The following CSMD1 variants were observed in gnomAD, a reference collection of about 807,000 sequenced individuals.
CSMD1 encodes the protein CUB and sushi domain-containing protein 1.
Under a neutral mutation model 417.5 loss-of-function variants are expected in CSMD1, and 213 were observed. The observed-to-expected ratio is 0.51, with a 90% CI of 0.46 to 0.57. CSMD1 has a LOEUF of 0.57. CSMD1 is among the 20% of genes least tolerant of loss of function. The pLI is 0.00. For synonymous variants in CSMD1, 2,862 were observed against 1,736.8 expected (o/e 1.65, Z -16.11); for missense variants, 6,923 against 4,529.7 (o/e 1.53, Z -15.17).
Position 4,286,304 on chromosome 8 carries a change from G to A in CSMD1, c.415+133649C>T, listed in dbSNP as rs144012641. Among the ~76,000 whole-genome samples, 194 of 152,156 alleles carry A rather than the reference G, an allele frequency of 1.3e-3. 1 individual carries two copies. The highest frequency in any genetic ancestry group is 2.2e-3 in the Non-Finnish European group (150 of 68,012). On this transcript the variant is annotated intron_variant, in intron 3 of 69. Transcript: ENST00000635120. ...TTAGTGCTATCTGTCCTCAGGGGCC[G>A]TTGTTCTTGTCACTTTGGAACATTC...
intron 3 of CSMD1, among the ~76,000 whole-genome samples, chr8:4,098,371 T>C (rs994729309): frequency 1.3e-5 from 2 of 151,638 alleles, no homozygotes; most frequent in African/African-American, 2.4e-5. Context: ...CTATTTTTTT[T>C]CTACAAAATT....
chr8:4,403,359 G>C (rs768433410), intron 3 of CSMD1, among the ~76,000 whole-genome samples: 24 of 152,046 alleles, frequency 1.6e-4, no homozygotes, highest in Non-Finnish European at 2.6e-4. Context: ...TTATAAGGAA[G>C]TCTCTACTTG....
chr8:3,113,512 G>A (rs752389805), intron 42 of CSMD1: 4 of 152,194 alleles, frequency 2.6e-5, no homozygotes, highest in Non-Finnish European at 4.4e-5. Context: ...GCTAGCAGTC[G>A]CTGTGTTGAA....
intron 5 of CSMD1, among the ~76,000 whole-genome samples, chr8:3,880,847 T>A (rs1806160905): frequency 6.6e-6 from 1 of 152,160 alleles, no homozygotes; most frequent in Admixed American, 6.5e-5. Flanking sequence ...ACCTGCGCAT[T>A]TATATTTTTT....
In CSMD1 at chr8:4,754,665, C is replaced by T. The variant is rs375413191; in HGVS notation, c.86-117107G>A. Among the ~76,000 whole-genome samples the T allele has an allele frequency of 4.4e-3, 671 of 151,858 alleles. 3 individuals carry two copies. Among genetic ancestry groups the T allele is most frequent in the African/African-American group, 0.016 (644 of 41,400 alleles). On this transcript the variant is annotated intron_variant, in intron 1 of 69. Coordinates refer to ENST00000635120, the MANE Select transcript of CSMD1 (RefSeq NM_033225.6). ...AGGAGATCGAGACAATCCTGGCTAA[C>T]ATGGTGAAACCCTGTCTACTAAAAA...
intron 37 of CSMD1, among the ~76,000 whole-genome samples, chr8:3,174,927 G>C (rs1345280857): frequency 1.3e-5 from 2 of 151,952 alleles, no homozygotes; most frequent in Non-Finnish European, 2.9e-5. Context: ...TATTTTTTGA[G>C]TGAGATCTTA....
intron 10 of CSMD1, among the ~76,000 whole-genome samples, chr8:3,526,083 G>A (rs530556109): frequency 3.3e-5 from 5 of 152,202 alleles, no homozygotes; most frequent in East Asian, 1.9e-4. Context: ...CCATCAACAT[G>A]CTGAATTGTC....
At chr8:3,214,128 G>C (rs71521812) in intron 30 of CSMD1, among the ~76,000 whole-genome samples, 1 of 152,058 alleles carries the variant, frequency 6.6e-6, no homozygotes, top group African/African-American at 2.4e-5. Flanking sequence ...ACAGGCATGA[G>C]CTACCACGCC....
chr8:3,370,408 C>T (rs1809872590), intron 18 of CSMD1, among the ~76,000 whole-genome samples: 1 of 152,210 alleles, frequency 6.6e-6, no homozygotes. Context: ...TGGAACCTCT[C>T]CACCTGCAGT....
chr8:3,919,289 C>T (rs997358282), intron 5 of CSMD1, among the ~76,000 whole-genome samples: 1 of 150,994 alleles, frequency 6.6e-6, no homozygotes, highest in Non-Finnish European at 1.5e-5. Flanking sequence ...GTTTGGGTAT[C>T]GCACTGAAGT....
chr8:4,727,314 T>G (rs1250773159), intron 1 of CSMD1, among the ~76,000 whole-genome samples: 2 of 152,198 alleles, frequency 1.3e-5, no homozygotes, highest in East Asian at 3.8e-4. Context: ...TTTAATTAAG[T>G]GTTTGAGAAA....
In CSMD1 at chr8:3,342,842, GT is replaced by G. The variant is rs1426016277; in HGVS notation, c.3631+451del. Reference sequence around the variant, plus strand: ...ATAGTTTACTACATATTATGTAGTTGTTGTGTGTGTGTGTGCTTATACATAT... The same window carrying G: ...ATAGTTTACTACATATTATGTAGTTGTGTGTGTGTGTGTGCTTATACATAT... On this transcript the variant is annotated intron_variant, in intron 23 of 69. Coordinates refer to ENST00000635120, the MANE Select transcript of CSMD1 (RefSeq NM_033225.6). 2.8e-5 allele frequency among the ~76,000 whole-genome samples: 4 copies of G among 143,764 alleles called. No homozygotes were observed. The Admixed American group carries it at 2.8e-4, about 10-fold the overall frequency. 94.3% of individuals were successfully genotyped at this position (143,764 alleles called of 152,430 possible).
At chr8:3,894,052 T>G (rs1807177864) in intron 5 of CSMD1, among the ~76,000 whole-genome samples, 1 of 152,148 alleles carries the variant, frequency 6.6e-6, no homozygotes, top group South Asian at 2.1e-4. Context: ...TGGTCATTGC[T>G]GCCACATCCT....
chr8:4,470,108 G>A (rs1563210026), intron 2 of CSMD1, among the ~76,000 whole-genome samples: 1 of 151,976 alleles, frequency 6.6e-6, no homozygotes, highest in East Asian at 1.9e-4. Context: ...CTGATCTCGT[G>A]ATCCGCCCGC....
intron 25 of CSMD1, among the ~76,000 whole-genome samples, chr8:3,300,833 C>T (rs545597802): frequency 2.0e-5 from 3 of 151,672 alleles, no homozygotes; most frequent in Admixed American, 6.6e-5. Flanking sequence ...GTGGCACATG[C>T]ATGTAATCCC....
chr8:3,650,117 A>T (rs142899132), intron 7 of CSMD1, among the ~76,000 whole-genome samples: 1 of 152,170 alleles, frequency 6.6e-6, no homozygotes, highest in East Asian at 1.9e-4. Context: ...TGTCTCTACT[A>T]AAAATACAAA....
intron 5 of CSMD1, among the ~76,000 whole-genome samples, chr8:3,820,111 G>T (rs542226040): frequency 1.3e-5 from 2 of 152,294 alleles, no homozygotes; most frequent in South Asian, 2.1e-4. Flanking sequence ...CAGATGCACT[G>T]CTTGAATGCA....
chr8:4,946,223 C>T (rs938993125), intron 1 of CSMD1, among the ~76,000 whole-genome samples: 1 of 152,268 alleles, frequency 6.6e-6, no homozygotes, highest in South Asian at 2.1e-4. Flanking sequence ...GGATCTAAAT[C>T]CCTGTCTTGT....
rs552849549 is a variant in CSMD1 at position 4,735,876 on chromosome 8, A to G, written c.86-98318T>C. On this transcript the variant is annotated intron_variant, in intron 1 of 69. Transcript: ENST00000635120. The stretch of plus-strand genomic sequence containing the variant: ...TGATTCCAGGGTCCAAGATTTACAT[A>G]CAACACGCTACTGCTTTACTAGAGA... Among the ~76,000 whole-genome samples, 14 of 152,294 alleles carry G rather than the reference A, an allele frequency of 9.2e-5. No individual in the cohort carries two copies. The South Asian group carries it at 1.0e-3, about 11-fold the overall frequency.
Sources: gnomAD v4.1 joint callset for allele counts (sites outside exome capture counted in the v4.1 genomes callset) on GRCh38, gnomAD v4.1.1 for gene constraint, MANE v1.5 for transcripts, NCBI Gene and HGNC (gene_info 2026-07-23, HGNC 2026-07-21) for gene names.